FBN1: variants seen among roughly 807,000 people sequenced by gnomAD.
The protein encoded by FBN1 is fibrillin 1.
Under a neutral mutation model 365.1 loss-of-function variants are expected in FBN1, and 29 were observed. The ratio of observed to expected loss-of-function variants is 0.08; its 90% CI spans 0.06 to 0.11. The LOEUF (loss-of-function observed/expected upper bound fraction) is 0.11, where lower values mean the gene tolerates loss of function less well. FBN1 is among the 10% of genes least tolerant of loss of function. The pLI, the probability that FBN1 is intolerant of heterozygous loss-of-function variation, is 1.00. For missense variants in FBN1, 2,476 were observed against 3,703.2 expected (o/e 0.67, Z 8.60); for synonymous variants, 1,210 against 1,270.5 (o/e 0.95, Z 1.01).
At chr15:48,645,019 T>A (rs1195492958) in intron 1 of FBN1, 69 bp from the exon 2 acceptor site, 1 of 319,450 alleles carries the variant, frequency 3.1e-6, no homozygotes, top group Non-Finnish European at 5.5e-6. Context: ...AGCCTCGCGG[T>A]CCCCATTCCC....
intron 13 of FBN1, among the ~76,000 whole-genome samples, chr15:48,512,159 G>A (rs1184072180): frequency 5.2e-4 from 79 of 152,128 alleles, no homozygotes; most frequent in Non-Finnish European, 2.6e-4. Context: ...AAATCTCTAC[G>A]TGAGAACAAA....
intron 6 of FBN1, among the ~76,000 whole-genome samples, chr15:48,546,862 G>A (rs1195143006): frequency 6.6e-6 from 1 of 152,100 alleles, no homozygotes; most frequent in African/African-American, 2.4e-5. Context: ...GATGGGAAGC[G>A]TGAGGGAAAC....
Position 48,513,656 on chromosome 15 carries a change from C to T in FBN1, c.1481G>A (p.Cys494Tyr), listed in dbSNP as rs1057518881. The T allele has an allele frequency of 6.2e-7, 1 of 1,613,972 alleles. No individual in the cohort carries two copies. The highest frequency in any genetic ancestry group is 8.5e-7 in the Non-Finnish European group (1 of 1,179,914). The change falls in exon 13 of 66, where the codon TGT (cysteine) becomes TAT (tyrosine). Residue 494 changes from cysteine (C) to tyrosine (Y), a missense_variant. Physicochemically the swap from Cys to Tyr is radical, Grantham distance 194 (BLOSUM62 -2). This residue lies in a region of FBN1 where 421 missense variants were observed against 520.1 expected (regional missense o/e 0.81). Transcript: ENST00000316623. ...ACCACCAGCACAGGGGTTTTTCTCA[C>T]ATTCATCAACATCTGCAAAGCACAA... ...LRGECIDVDECEKNPCAGGEC... is the reference protein window; with the variant it reads ...LRGECIDVDEYEKNPCAGGEC...
At chr15:48,590,552 G>A (rs145240910) in intron 6 of FBN1, among the ~76,000 whole-genome samples, 53 of 152,308 alleles carry the variant, frequency 3.5e-4, no homozygotes, top group Non-Finnish European at 6.0e-4. Context: ...AAGGTGTGAG[G>A]ACAAGTTTCT....
chr15:48,549,296 A>G (rs1285337320), intron 6 of FBN1, among the ~76,000 whole-genome samples: 2 of 152,222 alleles, frequency 1.3e-5, no homozygotes, highest in African/African-American at 4.8e-5. Context: ...TCTTCCAGAA[A>G]TCTGGAATTG....
rs112872133 is a variant in FBN1, at chr15:48,640,067, T to C, written c.164+4539A>G. The stretch of plus-strand genomic sequence containing the variant: ...TGCTACACAAGACGATAAAGGAACA[T>C]TTTAATATTCTTTAAAATTCCAAAT... On this transcript the variant is annotated intron_variant, in intron 2 of 65. Coordinates refer to ENST00000316623, the MANE Select transcript of FBN1 (RefSeq NM_000138.5). Among the ~76,000 whole-genome samples the C allele has an allele frequency of 2.4e-3, 359 of 152,284 alleles. 3 individuals carry two copies. The highest frequency in any genetic ancestry group is 8.4e-3 in the African/African-American group (351 of 41,556).
chr15:48,427,984 G>A, intron 57 of FBN1: 1 of 696,892 alleles, frequency 1.4e-6, no homozygotes, highest in Non-Finnish European at 2.6e-6. Flanking sequence ...TAGGCAGAAA[G>A]ACATTGGCCT....
intron 45 of FBN1, among the ~76,000 whole-genome samples, chr15:48,451,454 A>C (rs1270064647): frequency 1.3e-5 from 2 of 152,160 alleles, no homozygotes; most frequent in East Asian, 3.8e-4. Context: ...TCAACAAAAC[A>C]AGTCTTGATT....
chr15:48,501,562 C>G (rs1351587557), intron 17 of FBN1, among the ~76,000 whole-genome samples: 1 of 152,214 alleles, frequency 6.6e-6, no homozygotes. Flanking sequence ...TTAAAGAAAT[C>G]TGGTCTTTTG....
At chr15:48,539,568 G>C (rs866064341) in intron 6 of FBN1, among the ~76,000 whole-genome samples, 5 of 152,142 alleles carry the variant, frequency 3.3e-5, no homozygotes, top group African/African-American at 1.2e-4. Context: ...TGTCTGCTAT[G>C]AGGATGATGA....
intron 12 of FBN1, among the ~76,000 whole-genome samples, chr15:48,514,757 T>G (rs1269742215): frequency 6.6e-6 from 1 of 152,224 alleles, no homozygotes; most frequent in Non-Finnish European, 1.5e-5. Flanking sequence ...GTAGGGCTTT[T>G]GGTAGGGTGT....
chr15:48,587,769 T>A (rs2044448314), intron 6 of FBN1, among the ~76,000 whole-genome samples: 1 of 152,226 alleles, frequency 6.6e-6, no homozygotes, highest in Non-Finnish European at 1.5e-5. Flanking sequence ...TCTATCATCA[T>A]GCCTAGCTTA....
intron 30 of FBN1, 115 bp downstream of exon 30, chr15:48,485,259 A>C (rs1473978486): frequency 4.3e-5 from 58 of 1,345,052 alleles, no homozygotes; most frequent in Non-Finnish European, 1.3e-5. Flanking sequence ...TACAGTTAAA[A>C]TATATGACAA....
At chr15:48,614,105 A>G (rs374667244) in intron 2 of FBN1, among the ~76,000 whole-genome samples, 2 of 152,196 alleles carry the variant, frequency 1.3e-5, no homozygotes, top group African/African-American at 2.4e-5. Context: ...TAAGGATCCA[A>G]TGACTTCTAC....
rs1555396865 is a variant in FBN1 at position 48,464,025 on chromosome 15, T to C, written c.4943-4A>G. ...GGAGTCTCACATTCATTCACATCTATAATCCAAAGAGAAAGTGGTATGTGA... is the reference window on the plus strand; with the variant it reads ...GGAGTCTCACATTCATTCACATCTACAATCCAAAGAGAAAGTGGTATGTGA... On this transcript the variant is annotated splice_region_variant and splice_polypyrimidine_tract_variant and intron_variant, in intron 40 of 65. Transcript: ENST00000316623. 5 of 1,613,694 alleles carry C rather than the reference T, an allele frequency of 3.1e-6. No homozygotes were observed. The highest frequency in any genetic ancestry group is 4.2e-6 in the Non-Finnish European group (5 of 1,179,782).
intron 30 of FBN1, 133 bp from the exon 31 acceptor site, chr15:48,484,076 A>G: frequency 1.1e-6 from 1 of 912,108 alleles, no homozygotes; most frequent in Non-Finnish European, 1.7e-6. Flanking sequence ...ATCCAAATGA[A>G]GCTTTGCATA....
chr15:48,630,656 A>T (rs2140764341), intron 2 of FBN1, among the ~76,000 whole-genome samples: 1 of 151,740 alleles, frequency 6.6e-6, no homozygotes, highest in Non-Finnish European at 1.5e-5. Flanking sequence ...AGAGCACAGA[A>T]AATACCCGGT....
At chr15:48,421,741 T>C (rs2042944060) in intron 61 of FBN1, 55 bp from the exon 62 acceptor site, 2 of 1,589,388 alleles carry the variant, frequency 1.3e-6, no homozygotes, top group African/African-American at 2.7e-5. Flanking sequence ...GCTCTCTTTG[T>C]ATCATTTAAA....
chr15:48,614,698 CAT>C (rs1206823559), intron 2 of FBN1, among the ~76,000 whole-genome samples: 1 of 152,160 alleles, frequency 6.6e-6, no homozygotes, highest in Non-Finnish European at 1.5e-5. Context: ...GAAATATGTG[CAT>C]GATGTTAGAG....
Sources: allele counts gnomAD v4.1 joint callset (sites outside exome capture counted in the v4.1 genomes callset), GRCh38; gene constraint gnomAD v4.1.1; regional missense constraint gnomAD v4.1.1; transcripts MANE v1.5; gene names NCBI Gene and HGNC (gene_info 2026-07-23, HGNC 2026-07-21).